The following EXTL3 variants were observed in gnomAD, a reference collection of about 807,000 sequenced individuals.
The protein encoded by EXTL3 is exostosin-like 3.
EXTL3 carries 27 observed loss-of-function variants against 69.3 expected under a neutral mutation model. The ratio of observed to expected loss-of-function variants is 0.39; its 90% CI spans 0.29 to 0.54. EXTL3 has a LOEUF of 0.54. Among genes scored for constraint, EXTL3 ranks in the 20% least tolerant of loss-of-function variants. The pLI is 0.69. For synonymous variants in EXTL3, 511 were observed against 499.4 expected (o/e 1.02, Z -0.31); for missense variants, 1,003 against 1,231.8 (o/e 0.81, Z 2.78).
upstream of EXTL3, among the ~76,000 whole-genome samples, chr8:28,618,566 A>C (rs1184671032): frequency 6.6e-6 from 1 of 152,158 alleles, no homozygotes; most frequent in Non-Finnish European, 1.5e-5. Flanking sequence ...GGCACGAAAG[A>C]GGTTGAACCT....
chr8:28,730,153 A>G (rs1801508121), intron 3 of EXTL3: 1 of 152,256 alleles, frequency 6.6e-6, no homozygotes, highest in Admixed American at 6.5e-5. Context: ...ACATGCTAGT[A>G]GGTCACAGAG....
chr8:28,713,425 ATTTTTGT>A (rs1168783895), intron 1 of EXTL3, 25 bp from the exon 2 acceptor site: 3 of 672,416 alleles, frequency 4.5e-6, no homozygotes, highest in South Asian at 1.6e-5. Context: ...TCACTGTTCT[ATTTTTGT>A]TTTTTGTTTT....
chr8:28,695,857 A>C (rs1347996912), intron 1 of EXTL3, among the ~76,000 whole-genome samples: 3 of 152,190 alleles, frequency 2.0e-5, no homozygotes, highest in Non-Finnish European at 4.4e-5. Context: ...TGGCAACTCC[A>C]GGATAATCAT....
At chr8:28,723,355 G>C (rs1175754217) in intron 3 of EXTL3, among the ~76,000 whole-genome samples, 1 of 152,136 alleles carries the variant, frequency 6.6e-6, no homozygotes, top group Non-Finnish European at 1.5e-5. Flanking sequence ...GTGGGTTTCT[G>C]TTTGCGAATG....
intron 1 of EXTL3, among the ~76,000 whole-genome samples, chr8:28,632,418 T>C (rs1388124896): frequency 1.3e-5 from 2 of 152,102 alleles, no homozygotes; most frequent in Admixed American, 1.3e-4. Flanking sequence ...AGTTATCTCG[T>C]ATTTCTTGGT....
chr8:28,607,939 C>T (rs773427847), intron 2 of EXTL3, among the ~76,000 whole-genome samples: 15 of 151,240 alleles, frequency 9.9e-5, no homozygotes, highest in South Asian at 2.1e-4. Context: ...CATGAAACCC[C>T]GTCTCTACTA....
chr8:28,717,189 A>G lies in EXTL3; in HGVS notation c.1130A>G (p.Asp377Gly), dbSNP rs760233822. The change falls in exon 3 of 7, where the codon GAC becomes GGC. Residue 377 changes from aspartate to glycine, a missense_variant. Asp to Gly is a moderately conservative substitution (Grantham distance 94). Around this residue, in one of 2 missense-constraint regions of EXTL3, gnomAD observed 742 missense variants for 815.4 expected, o/e 0.91. Transcript: ENST00000220562. This position sits in a 1 kb window ranked among gnomAD's most constrained non-coding sequence, Gnocchi z 8.3. ...GGCGACCCTCCCGCCGACTACGATGACCGGATCATTGCCACCCTGAAGGCG... is the reference window on the plus strand; with the variant it reads ...GGCGACCCTCCCGCCGACTACGATGGCCGGATCATTGCCACCCTGAAGGCG... ...MEGDPPADYD[D>G]RIIATLKAVQ... 3 of 1,614,100 alleles carry G rather than the reference A, an allele frequency of 1.9e-6. No individual in the cohort carries two copies. Among genetic ancestry groups the G allele is most frequent in the Non-Finnish European group, 1.7e-6 (2 of 1,180,046 alleles).
At chr8:28,684,209 G>C (rs1435070012) in intron 1 of EXTL3, among the ~76,000 whole-genome samples, 1 of 152,026 alleles carries the variant, frequency 6.6e-6, no homozygotes, top group African/African-American at 2.4e-5. Context: ...CCAAATCTTG[G>C]CTATTGTGAA....
At chr8:28,666,127 T>A (rs1026611981) in intron 1 of EXTL3, among the ~76,000 whole-genome samples, 1 of 152,248 alleles carries the variant, frequency 6.6e-6, no homozygotes, top group African/African-American at 2.4e-5. Context: ...ATTATTTCAC[T>A]CTTTTTCAAA....
At position 28,709,032 on chromosome 8, in the gene EXTL3, CAT is replaced by C. The variant is rs147156127; in HGVS notation, c.-569-4424_-569-4423del. On this transcript the variant is annotated intron_variant, in intron 1 of 6. Coordinates refer to ENST00000220562, the MANE Select transcript of EXTL3 (RefSeq NM_001440.4). ...ATGTAAAAATGATACACATGATAGG[CAT>C]GTGTGTGTGTGCCTGCTCGCACTCT... Among the ~76,000 whole-genome samples, 25 of 152,246 alleles carry C rather than the reference CAT, an allele frequency of 1.6e-4. No homozygotes were observed. In the East Asian group the frequency reaches 4.6e-3, roughly 28 times the overall value.
chr8:28,751,187 A>T lies in EXTL3; in HGVS notation c.*321A>T. 2.7e-6 allele frequency: 1 copy of T among 366,466 alleles called. No homozygotes were observed. The allele number at this position is 366,466 out of a possible 1,614,324, so 22.7% of individuals were successfully genotyped here. On this transcript the variant is annotated 3_prime_UTR_variant, in exon 7 of 7. Transcript: ENST00000220562. ...AGCTGGTTCGTGGTTTTTACATTCAATAACAACTATTATGATTATTTAAAA... is the reference window on the plus strand; with the variant it reads ...AGCTGGTTCGTGGTTTTTACATTCATTAACAACTATTATGATTATTTAAAA...
At chr8:28,738,559 C>T (rs376705182) in intron 5 of EXTL3, among the ~76,000 whole-genome samples, 2 of 152,306 alleles carry the variant, frequency 1.3e-5, no homozygotes, top group East Asian at 3.9e-4. Context: ...CTCTACCTCC[C>T]TCCTGAAGTG....
rs7005785 is a variant in EXTL3, at chr8:28,633,931, G to A, written c.-53+11121G>A. Among the ~76,000 whole-genome samples the A allele has an allele frequency of 2.3e-3, 345 of 152,234 alleles. 2 individuals are homozygous for A. Among genetic ancestry groups the A allele is most frequent in the African/African-American group, 8.0e-3 (331 of 41,506 alleles). ...CAGAACAGAAACTCAGCCGACCTCTGTGTTAGCAAGATCGCCCAGGGGTGA... is the reference window on the plus strand; with the variant it reads ...CAGAACAGAAACTCAGCCGACCTCTATGTTAGCAAGATCGCCCAGGGGTGA... On this transcript the variant is annotated intron_variant, in intron 1 of 6. Transcript: ENST00000523149.
Position 28,678,254 on chromosome 8 carries a change from A to T in EXTL3, c.-52-35203A>T. The stretch of plus-strand genomic sequence containing the variant: ...ATCACACACTGAATTGTTTTCTTCT[A>T]CAAGGAAGAGTAAGTCAGCAGAGTA... On this transcript the variant is annotated intron_variant, in intron 1 of 6. Coordinates refer to the EXTL3 transcript ENST00000523149. 1.3e-5 allele frequency: 2 copies of T among 152,294 alleles called. 1 individual carries two copies. Among genetic ancestry groups the T allele is most frequent in the Non-Finnish European group, 2.9e-5 (2 of 68,068 alleles). The allele number at this position is 152,294 out of a possible 1,614,324, so 9.4% of individuals were successfully genotyped here.
chr8:28,608,017 G>A (rs377293491), intron 2 of EXTL3, among the ~76,000 whole-genome samples: 1 of 151,834 alleles, frequency 6.6e-6, no homozygotes, highest in East Asian at 1.9e-4. Context: ...GGCTGAGGCA[G>A]GAGAATGGTG....
intron 6 of EXTL3, chr8:28,744,228 C>T (rs1159539141): frequency 6.6e-6 from 1 of 152,164 alleles, no homozygotes; most frequent in Non-Finnish European, 1.5e-5. Context: ...TGCTAAATTC[C>T]AGTAAGAGAT....
intron 2 of EXTL3, among the ~76,000 whole-genome samples, chr8:28,609,690 G>A (rs114861289): frequency 0.049 from 7,428 of 151,762 alleles, 552 homozygotes; most frequent in African/African-American, 0.16. Context: ...GGAGTTCAAG[G>A]CTAGCCTGGT....
rs1402756907 is a variant in EXTL3 at position 28,651,885 on chromosome 8, G to A, written c.-53+29075G>A. Among the ~76,000 whole-genome samples, 5 of 152,188 alleles carry A rather than the reference G, an allele frequency of 3.3e-5. 1 individual carries two copies. ...ACTACCATTAGACTTCTGTATCTAC[G>A]AATTTGCGTCTCTTCCTATATGTGG... On this transcript the variant is annotated intron_variant, in intron 1 of 6. Transcript: ENST00000523149.
rs1464572309 is a variant in EXTL3 at position 28,743,224 on chromosome 8, C to T, written c.2550+10C>T. 1.9e-6 allele frequency: 3 copies of T among 1,614,046 alleles called. No individual in the cohort carries two copies. The African/African-American group carries it at 4.0e-5, about 22-fold the overall frequency. ...GAAGCCCCCCATCAAGGTGAGGTCCCACCACTGGTGGGGCTGTGGATGCGT... is the reference window on the plus strand; with the variant it reads ...GAAGCCCCCCATCAAGGTGAGGTCCTACCACTGGTGGGGCTGTGGATGCGT... On this transcript the variant is annotated intron_variant, in intron 6 of 6. Coordinates refer to ENST00000220562, the MANE Select transcript of EXTL3 (RefSeq NM_001440.4).
Sources: gnomAD v4.1 joint callset for allele counts (sites outside exome capture counted in the v4.1 genomes callset) on GRCh38, gnomAD v4.1.1 for gene constraint, gnomAD v4.1.1 regional missense constraint, Gnocchi (gnomAD v3.1) non-coding constraint, MANE v1.5 for transcripts, NCBI Gene and HGNC (gene_info 2026-07-23, HGNC 2026-07-21) for gene names.